UNC13C: variants seen among roughly 807,000 people sequenced by gnomAD.
UNC13C encodes the protein unc-13 homolog C.
In UNC13C, 174 loss-of-function variants were observed where a neutral mutation model predicts 245.4. The observed-to-expected ratio is 0.71, with a 90% CI of 0.63 to 0.80. UNC13C has a LOEUF of 0.80. Ranked by LOEUF, UNC13C falls within the 30% of genes least tolerant of loss-of-function variation. The pLI, the probability that UNC13C is intolerant of heterozygous loss-of-function variation, is 0.00. For missense variants in UNC13C, 2,829 were observed against 2,602.9 expected (o/e 1.09, Z -1.89); for synonymous variants, 992 against 895.1 (o/e 1.11, Z -1.93).
At chr15:54,605,126 G>A (rs185060847) in intron 30 of UNC13C, among the ~76,000 whole-genome samples, 3 of 152,256 alleles carry the variant, frequency 2.0e-5, no homozygotes, top group African/African-American at 7.2e-5. Context: ...TAGTAAAGCT[G>A]GAGGGAGAAG....
At chr15:54,356,101 G>C (rs2039089190) in intron 17 of UNC13C, among the ~76,000 whole-genome samples, 1 of 152,158 alleles carries the variant, frequency 6.6e-6, no homozygotes. Context: ...CCACTGAATG[G>C]ACATTTCACA....
At chr15:53,879,891 T>C in the UNC13C span, among the ~76,000 whole-genome samples, 1 of 152,170 alleles carries the variant, frequency 6.6e-6, no homozygotes, top group African/African-American at 2.4e-5. Flanking sequence ...ATACAAGCCA[T>C]GTAATCTAAC....
the UNC13C span, among the ~76,000 whole-genome samples, chr15:53,893,198 A>C: frequency 6.6e-6 from 1 of 152,220 alleles, no homozygotes; most frequent in Non-Finnish European, 1.5e-5. Flanking sequence ...AGAACAGCAA[A>C]GATTACTGCC....
chr15:54,404,128 C>T (rs1298756168), intron 18 of UNC13C, among the ~76,000 whole-genome samples: 1 of 152,202 alleles, frequency 6.6e-6, no homozygotes, highest in Non-Finnish European at 1.5e-5. Context: ...AACAAACTGT[C>T]TCTTAAGTTC....
intron 4 of UNC13C, among the ~76,000 whole-genome samples, chr15:54,229,168 G>T (rs184093275): frequency 2.6e-5 from 4 of 152,264 alleles, no homozygotes; most frequent in African/African-American, 7.2e-5. Flanking sequence ...TGCAATTACT[G>T]CATTCTCTCT....
At chr15:54,028,684 C>T (rs114392335) in intron 2 of UNC13C, among the ~76,000 whole-genome samples, 48 of 87,084 alleles carry the variant, frequency 5.5e-4, no homozygotes, top group South Asian at 1.4e-3. Context: ...GCCTACAAGT[C>T]TTTTTTTTTT....
chr15:54,119,921 G>T (rs1298539785), intron 2 of UNC13C, among the ~76,000 whole-genome samples: 1 of 152,128 alleles, frequency 6.6e-6, no homozygotes, highest in Non-Finnish European at 1.5e-5. Flanking sequence ...AGGGTAAGAG[G>T]AGTGAGGAAG....
intron 30 of UNC13C, among the ~76,000 whole-genome samples, chr15:54,569,093 G>A (rs891540493): frequency 3.3e-5 from 5 of 151,970 alleles, no homozygotes; most frequent in African/African-American, 1.2e-4. Flanking sequence ...TTATAAATAC[G>A]AATACAATTC....
At chr15:54,121,897 A>T (rs923028578) in intron 2 of UNC13C, among the ~76,000 whole-genome samples, 4 of 151,960 alleles carry the variant, frequency 2.6e-5, no homozygotes, top group Admixed American at 6.6e-5. Flanking sequence ...TATAATCATT[A>T]TGTTATTGTG....
rs559603411 is a variant in UNC13C, at chr15:54,378,675, T to C, written c.4714-14373T>C. ...AATCTAAAGTTTTGAAGAGATTAAT[T>C]CTTTGCCCAAATTTATACAATAAAT... On this transcript the variant is annotated intron_variant, in intron 17 of 32. Transcript: ENST00000260323. Among the ~76,000 whole-genome samples the C allele has an allele frequency of 4.6e-5, 7 of 151,940 alleles. No individual in the cohort carries two copies. The East Asian group carries it at 1.4e-3, about 29-fold the overall frequency.
intron 2 of UNC13C, among the ~76,000 whole-genome samples, chr15:54,037,495 A>C (rs1447303660): frequency 6.6e-6 from 1 of 152,230 alleles, no homozygotes; most frequent in Non-Finnish European, 1.5e-5. Flanking sequence ...AGTGATTACA[A>C]GGCCAATAAT....
At chr15:53,975,814 G>A (rs886995308), upstream of UNC13C, among the ~76,000 whole-genome samples, 1 of 152,198 alleles carries the variant, frequency 6.6e-6, no homozygotes, top group Non-Finnish European at 1.5e-5. Context: ...TGAAATGACT[G>A]CTGAAGCATT....
intron 30 of UNC13C, chr15:54,611,609 A>T (rs1483662069): frequency 2.0e-5 from 3 of 152,190 alleles, no homozygotes; most frequent in Non-Finnish European, 2.9e-5. Context: ...CTTCTGGAAA[A>T]GTATATGCAT....
At chr15:54,211,336 A>C (rs184926235) in intron 4 of UNC13C, among the ~76,000 whole-genome samples, 34 of 152,250 alleles carry the variant, frequency 2.2e-4, no homozygotes, top group African/African-American at 7.9e-4. Flanking sequence ...TGAAAATTCA[A>C]TTAGTGAAGT....
chr15:54,568,070 T>C (rs1897594980), intron 30 of UNC13C, 123 bp downstream of exon 30: 3 of 656,398 alleles, frequency 4.6e-6, no homozygotes, highest in African/African-American at 1.8e-5. Context: ...TCATTAAAAA[T>C]GGAGAGTTAT....
chr15:54,549,744 G>C, intron 28 of UNC13C, 53 bp downstream of exon 28: 4 of 1,164,990 alleles, frequency 3.4e-6, no homozygotes, highest in South Asian at 1.5e-5. Flanking sequence ...GTTAACTACA[G>C]TTCTGCAAGC....
In UNC13C at chr15:54,002,250, C is replaced by T. The variant is rs148407723; in HGVS notation, c.-256-10398C>T. Among the ~76,000 whole-genome samples the T allele has an allele frequency of 5.6e-3, 845 of 152,138 alleles. 6 individuals carry two copies. Among genetic ancestry groups the T allele is most frequent in the Admixed American group, 8.3e-3 (127 of 15,288 alleles). ...GCAGTGAGCCAAGATTGCACCACTG[C>T]ACTCCAGGCTGGGTGAAAGAGTGAG... On this transcript the variant is annotated intron_variant, in intron 1 of 32. Coordinates refer to ENST00000260323, the MANE Select transcript of UNC13C (RefSeq NM_001080534.3).
chr15:54,314,021 A>C (rs969552052), intron 13 of UNC13C, among the ~76,000 whole-genome samples: 12 of 151,768 alleles, frequency 7.9e-5, no homozygotes, highest in African/African-American at 2.9e-4. Flanking sequence ...TAAGGGAAAT[A>C]AGGCAGGCAC....
intron 4 of UNC13C, among the ~76,000 whole-genome samples, chr15:54,175,635 C>G (rs920554865): frequency 1.3e-5 from 2 of 151,648 alleles, no homozygotes; most frequent in African/African-American, 4.8e-5. Context: ...GCCTCAGCCT[C>G]CCGAGTAGCT....
Sources: allele counts gnomAD v4.1 joint callset (sites outside exome capture counted in the v4.1 genomes callset), GRCh38; gene constraint gnomAD v4.1.1; transcripts MANE v1.5; gene names NCBI Gene and HGNC (gene_info 2026-07-23, HGNC 2026-07-21).